The following PPP6R2 variants were observed in gnomAD, a reference collection of about 807,000 sequenced individuals.
PPP6R2 encodes the protein serine/threonine-protein phosphatase 6 regulatory subunit 2.
A neutral mutation model predicts 100.2 loss-of-function variants in PPP6R2; 62 were observed. That is an observed-to-expected ratio of 0.62 (90% confidence interval 0.50 to 0.76). PPP6R2 has a LOEUF of 0.76. Ranked by LOEUF, PPP6R2 falls within the 30% of genes least tolerant of loss-of-function variation. The pLI is 0.00. For synonymous variants in PPP6R2, 525 were observed against 514.7 expected (o/e 1.02, Z -0.27); for missense variants, 1,142 against 1,276.3 (o/e 0.89, Z 1.60).
intron 1 of PPP6R2, among the ~76,000 whole-genome samples, chr22:50,365,358 G>T (rs899471214): frequency 6.6e-6 from 1 of 151,852 alleles, no homozygotes; most frequent in Non-Finnish European, 1.5e-5. Context: ...GGTATGAGCC[G>T]CCGTGCCTGG....
rs1387522326 is a variant in PPP6R2 at position 50,399,849 on chromosome 22, G to T, written c.227+5714G>T. Among the ~76,000 whole-genome samples the T allele has an allele frequency of 2.0e-5, 3 of 152,222 alleles. No individual in the cohort carries two copies. The East Asian group carries it at 5.8e-4, about 30-fold the overall frequency. ...ACTGCCTGCCCAGGCCACAGCAGAG[G>T]GCGCCACCCCAGGGCTGGAGGCAGC... On this transcript the variant is annotated intron_variant, in intron 3 of 23. Transcript: ENST00000612753.
At chr22:50,330,781 G>T in the PPP6R2 span, among the ~76,000 whole-genome samples, 1 of 151,046 alleles carries the variant, frequency 6.6e-6, no homozygotes, top group African/African-American at 2.4e-5. Context: ...CTTAGAGTCA[G>T]AGAAGTCAAT....
chr22:50,396,450 GCT>G, intron 3 of PPP6R2, among the ~76,000 whole-genome samples: 1 of 148,080 alleles, frequency 6.8e-6, no homozygotes, highest in Admixed American at 6.8e-5. Context: ...AGCCAAGATC[GCT>G]CCACTGCACT....
intron 1 of PPP6R2, among the ~76,000 whole-genome samples, chr22:50,349,025 C>T (rs1335580980): frequency 1.3e-5 from 2 of 151,452 alleles, no homozygotes; most frequent in Admixed American, 6.6e-5. Context: ...AACTCCATCT[C>T]TACTGAAAAT....
chr22:50,395,222 G>A (rs988654300), intron 3 of PPP6R2, among the ~76,000 whole-genome samples: 12 of 152,314 alleles, frequency 7.9e-5, no homozygotes, highest in Middle Eastern at 3.4e-3. Flanking sequence ...TCGTGGTACC[G>A]TCCGTTCTCA....
At chr22:50,432,773 TC>T (rs1310482721) in intron 12 of PPP6R2, among the ~76,000 whole-genome samples, 1 of 152,180 alleles carries the variant, frequency 6.6e-6, no homozygotes, top group Non-Finnish European at 1.5e-5. Context: ...CCCAGAGCCA[TC>T]CCCACCCGTT....
rs531935711 is a variant in PPP6R2, at chr22:50,371,523, A to G, written c.-147-497A>G. ...TAAAAAAGAAAAAAAAAAGAAAACT[A>G]TCTTAAAATATCATTTTAACTGTCA... On this transcript the variant is annotated intron_variant, in intron 1 of 23. Coordinates refer to ENST00000612753, the MANE Select transcript of PPP6R2 (RefSeq NM_001242898.2). Among the ~76,000 whole-genome samples the G allele has an allele frequency of 9.8e-5, 15 of 152,288 alleles. 1 individual carries two copies. The highest frequency in any genetic ancestry group is 3.1e-4 in the African/African-American group (13 of 41,556).
chr22:50,411,948 G>C (rs1414480673), intron 4 of PPP6R2, among the ~76,000 whole-genome samples: 1 of 149,768 alleles, frequency 6.7e-6, no homozygotes, highest in Non-Finnish European at 1.5e-5. Context: ...GGGAGCCTGA[G>C]GCAGGAGAAT....
intron 2 of PPP6R2, among the ~76,000 whole-genome samples, chr22:50,380,003 C>T (rs922902862): frequency 6.6e-6 from 1 of 152,006 alleles, no homozygotes; most frequent in Non-Finnish European, 1.5e-5. Context: ...TAAAACATTC[C>T]AGTCTTTGTA....
At chr22:50,398,600 C>T (rs1392029381) in intron 3 of PPP6R2, among the ~76,000 whole-genome samples, 1 of 150,878 alleles carries the variant, frequency 6.6e-6, no homozygotes. Flanking sequence ...ACTGCAACCT[C>T]CGCCTCCTGG....
chr22:50,373,171 A>G (rs983634542), intron 2 of PPP6R2, among the ~76,000 whole-genome samples: 2 of 151,042 alleles, frequency 1.3e-5, no homozygotes, highest in African/African-American at 4.9e-5. Flanking sequence ...AATATAAGAT[A>G]CTCTTACGAG....
At chr22:50,373,829 G>GT (rs2050842048) in intron 2 of PPP6R2, among the ~76,000 whole-genome samples, 1 of 152,016 alleles carries the variant, frequency 6.6e-6, no homozygotes, top group African/African-American at 2.4e-5. Flanking sequence ...CGCCTCCTGG[G>GT]TTCAAGCGAA....
upstream of PPP6R2, among the ~76,000 whole-genome samples, chr22:50,341,071 T>C (rs2042364775): frequency 6.6e-6 from 1 of 151,954 alleles, no homozygotes; most frequent in South Asian, 2.1e-4. Flanking sequence ...CCACCGCGCC[T>C]GGTTAATTTT....
intron 3 of PPP6R2, among the ~76,000 whole-genome samples, chr22:50,404,742 C>T (rs1179142095): frequency 6.6e-6 from 1 of 152,054 alleles, no homozygotes; most frequent in Non-Finnish European, 1.5e-5. Context: ...CCGTCCTTAC[C>T]TGCACGTTCA....
chr22:50,432,366 C>T, intron 12 of PPP6R2, 37 bp downstream of exon 12: 5 of 1,526,116 alleles, frequency 3.3e-6, no homozygotes, highest in Non-Finnish European at 4.4e-6. Context: ...CCCAGCCTGG[C>T]CAGTCAGGGA....
chr22:50,382,422 C>T (rs549453220), intron 2 of PPP6R2, among the ~76,000 whole-genome samples: 3 of 151,582 alleles, frequency 2.0e-5, no homozygotes, highest in Admixed American at 2.0e-4. Context: ...CATGGTGAAA[C>T]CCCGTCTCTA....
Position 50,422,388 on chromosome 22 carries a change from G to A in PPP6R2, c.972+8G>A. 6.2e-7 allele frequency: 1 copy of A among 1,613,672 alleles called. No homozygotes were observed. Among genetic ancestry groups the A allele is most frequent in the Non-Finnish European group, 8.5e-7 (1 of 1,179,726 alleles). On this transcript the variant is annotated splice_region_variant and intron_variant, in intron 9 of 23. Coordinates refer to ENST00000612753, the MANE Select transcript of PPP6R2 (RefSeq NM_001242898.2). The stretch of plus-strand genomic sequence containing the variant: ...CTGCTCAACCCGCCCAAGGTAAATG[G>A]CCGTGGCGACTGCTGAGTGCCTTTG...
At chr22:50,398,934 CAAAA>C (rs781214414) in intron 3 of PPP6R2, among the ~76,000 whole-genome samples, 1 of 152,048 alleles carries the variant, frequency 6.6e-6, no homozygotes, top group Non-Finnish European at 1.5e-5. Context: ...TAAAGTGAAA[CAAAA>C]AACACTTTTT....
upstream of PPP6R2, among the ~76,000 whole-genome samples, chr22:50,339,040 G>T (rs2042337703): frequency 7.6e-6 from 1 of 131,072 alleles, no homozygotes; most frequent in African/African-American, 2.9e-5. Context: ...GTGTGTGTGT[G>T]GTATGTAGTG....
Sources: gnomAD v4.1 joint callset for allele counts (sites outside exome capture counted in the v4.1 genomes callset) on GRCh38, gnomAD v4.1.1 for gene constraint, MANE v1.5 for transcripts, NCBI Gene and HGNC (gene_info 2026-07-23, HGNC 2026-07-21) for gene names.